The following WWOX variants were observed in gnomAD, a reference collection of about 807,000 sequenced individuals.
WWOX encodes WW domain containing oxidoreductase.
Under a neutral mutation model 46.2 loss-of-function variants are expected in WWOX, and 69 were observed. The ratio of observed to expected loss-of-function variants is 1.49; its 90% confidence interval spans 1.23 to 1.82. The LOEUF is 1.82. WWOX is among the 40% of genes most tolerant of loss of function. The pLI is 0.00. For synonymous variants in WWOX, 359 were observed against 202.6 expected (o/e 1.77, Z -6.56); for missense variants, 919 against 542.6 (o/e 1.69, Z -6.89).
At chr16:78,113,631 AG>A (rs756176126) in intron 3 of WWOX, among the ~76,000 whole-genome samples, 2 of 152,142 alleles carry the variant, frequency 1.3e-5, no homozygotes, top group African/African-American at 4.8e-5. Flanking sequence ...CCAGGTCTTC[AG>A]GGGGAAAAAA....
chr16:78,359,293 G>C lies in WWOX; in HGVS notation c.517-27567G>C, dbSNP rs912055819. Among the ~76,000 whole-genome samples, 34 of 152,138 alleles carry C rather than the reference G, an allele frequency of 2.2e-4. 2 individuals carry two copies. The highest frequency in any genetic ancestry group is 5.9e-4 in the Admixed American group (9 of 15,262). The stretch of plus-strand genomic sequence containing the variant: ...CAATATTCTTTTCAGTTTTAAATAA[G>C]TTTTGAACAAAAAGTTTTAGCATTT... On this transcript the variant is annotated intron_variant, in intron 5 of 8. Transcript: ENST00000566780.
rs201270275 is a variant in WWOX, at chr16:78,756,324, C to CA, written c.1056+323581dup. On this transcript the variant is annotated intron_variant, in intron 8 of 8. Transcript: ENST00000566780. ...TTATCTAATGTGTATTTGAAACAAA[C>CA]AAAAAAAAATCAATAAAATGAGCAG... 2.7e-3 allele frequency among the ~76,000 whole-genome samples: 409 copies of CA among 150,910 alleles called. 3 individuals are homozygous for CA. The South Asian group carries it at 0.029, about 11-fold the overall frequency.
At position 78,339,495 on chromosome 16, in the gene WWOX, G is replaced by A. The variant is rs981043237; in HGVS notation, c.517-47365G>A. Among the ~76,000 whole-genome samples the A allele has an allele frequency of 4.2e-5, 5 of 119,412 alleles. 2 individuals carry two copies. Among genetic ancestry groups the A allele is most frequent in the Non-Finnish European group, 1.0e-4 (5 of 50,188 alleles). 78.3% of individuals were successfully genotyped at this position (119,412 alleles called of 152,430 possible). A position where few individuals can be genotyped will look rare whatever the true frequency, so the allele number is the denominator to read the frequency against. On this transcript the variant is annotated intron_variant, in intron 5 of 8. Coordinates refer to ENST00000566780, the MANE Select transcript of WWOX (RefSeq NM_016373.4). Reference sequence around the variant, plus strand: ...TAAAACTGCCCTCACATTGTATCCTGGAAAGTTCATTTACCTGTACCCGGA... The same window carrying A: ...TAAAACTGCCCTCACATTGTATCCTAGAAAGTTCATTTACCTGTACCCGGA...
chr16:78,377,603 G>A (rs537969339), intron 5 of WWOX, among the ~76,000 whole-genome samples: 1 of 152,174 alleles, frequency 6.6e-6, no homozygotes, highest in South Asian at 2.1e-4. Flanking sequence ...CCAACCTCCT[G>A]TGTCATTCAC....
At chr16:78,497,649 G>A (rs1399637774) in intron 8 of WWOX, among the ~76,000 whole-genome samples, 1 of 152,180 alleles carries the variant, frequency 6.6e-6, no homozygotes, top group African/African-American at 2.4e-5. Flanking sequence ...CCAACATCTA[G>A]CATTATTGTG....
intron 8 of WWOX, among the ~76,000 whole-genome samples, chr16:79,095,951 G>C (rs2049060691): frequency 1.4e-5 from 2 of 142,298 alleles, no homozygotes; most frequent in South Asian, 2.3e-4. Flanking sequence ...CCAGGTTCAA[G>C]TGATTTTCCC....
intron 8 of WWOX, among the ~76,000 whole-genome samples, chr16:78,482,590 T>G (rs2084521770): frequency 6.6e-6 from 1 of 152,198 alleles, no homozygotes; most frequent in Non-Finnish European, 1.5e-5. Context: ...CTGTGCTAAG[T>G]GCTTTGCATG....
intron 8 of WWOX, among the ~76,000 whole-genome samples, chr16:78,489,299 C>A (rs1597155630): frequency 6.6e-6 from 1 of 152,174 alleles, no homozygotes; most frequent in Non-Finnish European, 1.5e-5. Context: ...TCCAGACCCC[C>A]AGGTCAGCTG....
intron 8 of WWOX, among the ~76,000 whole-genome samples, chr16:78,970,614 C>G (rs2046451053): frequency 6.6e-6 from 1 of 152,104 alleles, no homozygotes; most frequent in Admixed American, 6.5e-5. Flanking sequence ...TGAGGAAAGT[C>G]AGAGAGCTAA....
intron 5 of WWOX, among the ~76,000 whole-genome samples, chr16:78,356,634 G>A (rs1316164051): frequency 6.6e-6 from 1 of 152,174 alleles, no homozygotes; most frequent in Non-Finnish European, 1.5e-5. Context: ...TGTAATCCAA[G>A]CACTTTGGGA....
intron 8 of WWOX, among the ~76,000 whole-genome samples, chr16:79,125,150 G>A (rs938362514): frequency 2.4e-4 from 36 of 151,676 alleles, no homozygotes; most frequent in African/African-American, 8.5e-4. Context: ...AGAAATCCTG[G>A]AATTCAGAAT....
At chr16:79,166,951 T>C (rs993354410) in intron 8 of WWOX, among the ~76,000 whole-genome samples, 4 of 151,562 alleles carry the variant, frequency 2.6e-5, no homozygotes, top group African/African-American at 9.7e-5. Context: ...ATAATAATTA[T>C]TTTTTTTTGA....
chr16:78,616,910 G>T (rs1370663050), intron 8 of WWOX, among the ~76,000 whole-genome samples: 1 of 152,058 alleles, frequency 6.6e-6, no homozygotes, highest in African/African-American at 2.4e-5. Context: ...AATTTTGGGG[G>T]GACACATTCA....
At chr16:78,959,689 C>G (rs1054480467) in intron 8 of WWOX, among the ~76,000 whole-genome samples, 2 of 152,172 alleles carry the variant, frequency 1.3e-5, no homozygotes, top group African/African-American at 2.4e-5. Context: ...GGCTCAGACA[C>G]TGATGAGACC....
At chr16:78,241,286 G>GT (rs74416578) in intron 5 of WWOX, 58,974 of 150,980 alleles carry the variant, frequency 0.39, 12,706 homozygotes, top group African/African-American at 0.59. Flanking sequence ...TATCATTTGT[G>GT]TTTTTTTTTC....
At chr16:78,306,486 C>A (rs1046471647) in intron 5 of WWOX, among the ~76,000 whole-genome samples, 2 of 152,172 alleles carry the variant, frequency 1.3e-5, no homozygotes, top group African/African-American at 4.8e-5. Context: ...TTCCCAAAGG[C>A]AGGCCCCCTG....
chr16:78,962,888 C>T (rs564719438), intron 8 of WWOX, among the ~76,000 whole-genome samples: 7 of 152,302 alleles, frequency 4.6e-5, no homozygotes, highest in Admixed American at 3.9e-4. Flanking sequence ...TAAATAGTCA[C>T]CCAGTACGCA....
At chr16:78,299,525 T>TC (rs201602617) in intron 5 of WWOX, among the ~76,000 whole-genome samples, 11,138 of 150,326 alleles carry the variant, frequency 0.074, 613 homozygotes, top group Admixed American at 0.17. Flanking sequence ...TCTTTTCTTT[T>TC]TTTTTTTTTT....
rs75426144 is a variant in WWOX at position 78,958,456 on chromosome 16, A to G, written c.1057-253152A>G. On this transcript the variant is annotated intron_variant, in intron 8 of 8. Transcript: ENST00000566780. ...AATTTGCACTTTCAAAGTACTCTCTATGGAGAGGTTTTATGGTTCTGAAAT... is the reference window on the plus strand; with the variant it reads ...AATTTGCACTTTCAAAGTACTCTCTGTGGAGAGGTTTTATGGTTCTGAAAT... Among the ~76,000 whole-genome samples the G allele has an allele frequency of 4.4e-3, 663 of 152,316 alleles. 3 individuals carry two copies. Among genetic ancestry groups the G allele is most frequent in the African/African-American group, 0.015 (618 of 41,570 alleles).
Sources: gnomAD v4.1 joint callset for allele counts (sites outside exome capture counted in the v4.1 genomes callset) on GRCh38, gnomAD v4.1.1 for gene constraint, MANE v1.5 for transcripts, NCBI Gene and HGNC (gene_info 2026-07-23, HGNC 2026-07-21) for gene names.